KCNH1: variants seen among roughly 807,000 people sequenced by gnomAD.
The protein encoded by KCNH1 is voltage-gated delayed rectifier potassium channel KCNH1.
A neutral mutation model predicts 69.2 loss-of-function variants in KCNH1; 27 were observed. The ratio of observed to expected loss-of-function variants is 0.39; its 90% CI spans 0.29 to 0.54. KCNH1 has a LOEUF of 0.54. Among genes scored for constraint, KCNH1 ranks in the 20% least tolerant of loss-of-function variants. The pLI, the probability that KCNH1 is intolerant of heterozygous loss-of-function variation, is 0.68. For synonymous variants in KCNH1, 456 were observed against 487.7 expected (o/e 0.93, Z 0.86); for missense variants, 798 against 1,261.6 (o/e 0.63, Z 5.57).
chr1:210,723,172 G>T (rs116366374), intron 10 of KCNH1, among the ~76,000 whole-genome samples: 1 of 152,200 alleles, frequency 6.6e-6, no homozygotes, highest in Non-Finnish European at 1.5e-5. Context: ...AGTGTCTCTC[G>T]TGGTCTCTCA....
chr1:210,753,837 T>G (rs1683334270), intron 10 of KCNH1, among the ~76,000 whole-genome samples: 1 of 152,012 alleles, frequency 6.6e-6, no homozygotes, highest in Non-Finnish European at 1.5e-5. Context: ...AGTGCAAACA[T>G]ACACAAAGAA....
chr1:210,959,014 C>A (rs968856731), intron 6 of KCNH1, among the ~76,000 whole-genome samples: 2 of 152,182 alleles, frequency 1.3e-5, no homozygotes, highest in African/African-American at 4.8e-5. Flanking sequence ...GAATTTTCAG[C>A]TTTTCTGCTC....
At chr1:210,964,840 C>T (rs530324406) in intron 6 of KCNH1, among the ~76,000 whole-genome samples, 13 of 152,194 alleles carry the variant, frequency 8.5e-5, no homozygotes, top group African/African-American at 2.6e-4. Context: ...AACATCAATG[C>T]AAAAATCCTC....
In KCNH1 at chr1:210,898,687, G is replaced by GT. The variant is rs1052802987; in HGVS notation, c.1462+20952_1462+20953insA. Reference sequence around the variant, plus strand: ...GAGGGGGCAGGCGTGGCGGCGGGGGGGGGTCCTGTCAACCACCTTTTACAG... The same window carrying GT: ...GAGGGGGCAGGCGTGGCGGCGGGGGGTGGGTCCTGTCAACCACCTTTTACAG... On this transcript the variant is annotated intron_variant, in intron 7 of 10. Transcript: ENST00000271751. Among the ~76,000 whole-genome samples, 48 of 151,902 alleles carry GT rather than the reference G, an allele frequency of 3.2e-4. 1 individual carries two copies. Among genetic ancestry groups the GT allele is most frequent in the South Asian group, 2.1e-4 (1 of 4,802 alleles).
At chr1:210,969,391 T>A (rs1411693692) in intron 6 of KCNH1, among the ~76,000 whole-genome samples, 1 of 152,086 alleles carries the variant, frequency 6.6e-6, no homozygotes, top group Non-Finnish European at 1.5e-5. Flanking sequence ...CTTGAAAATT[T>A]GGTAGCACTC....
At chr1:210,830,664 T>C (rs769781320) in intron 7 of KCNH1, among the ~76,000 whole-genome samples, 4 of 152,186 alleles carry the variant, frequency 2.6e-5, no homozygotes, top group Non-Finnish European at 5.9e-5. Flanking sequence ...TGACTTCCTA[T>C]GGAGGGTATG....
At chr1:210,732,971 C>T (rs540217366) in intron 10 of KCNH1, among the ~76,000 whole-genome samples, 5 of 152,248 alleles carry the variant, frequency 3.3e-5, no homozygotes, top group South Asian at 4.2e-4. Context: ...GGTGATGGGT[C>T]GTTGAGAGCC....
intron 7 of KCNH1, among the ~76,000 whole-genome samples, chr1:210,917,233 A>AG (rs1687359387): frequency 6.2e-4 from 61 of 98,792 alleles, no homozygotes; most frequent in African/African-American, 1.5e-3. Flanking sequence ...GAGAGAGAGA[A>AG]AGAAAGAAAG....
chr1:211,043,387 C>T (rs1690037118), intron 5 of KCNH1, among the ~76,000 whole-genome samples: 1 of 151,990 alleles, frequency 6.6e-6, no homozygotes, highest in Non-Finnish European at 1.5e-5. Context: ...AAGATACAAC[C>T]ATCCTAGCCC....
intron 6 of KCNH1, among the ~76,000 whole-genome samples, chr1:210,983,766 G>A (rs907087254): frequency 2.0e-5 from 3 of 152,036 alleles, no homozygotes; most frequent in African/African-American, 7.2e-5. Flanking sequence ...CTCTTTTTTG[G>A]TTCCATATGA....
intron 7 of KCNH1, among the ~76,000 whole-genome samples, chr1:210,900,428 A>G (rs1686970305): frequency 6.6e-6 from 1 of 152,234 alleles, no homozygotes. Flanking sequence ...TTGAATCTAG[A>G]TAAGCCAAGA....
At chr1:210,854,711 C>A (rs567119596) in intron 7 of KCNH1, among the ~76,000 whole-genome samples, 2 of 152,200 alleles carry the variant, frequency 1.3e-5, no homozygotes, top group Non-Finnish European at 2.9e-5. Flanking sequence ...GAAGTCCAGA[C>A]TCCAGGTGTC....
chr1:210,871,778 C>T (rs1686253748), intron 7 of KCNH1, among the ~76,000 whole-genome samples: 1 of 150,640 alleles, frequency 6.6e-6, no homozygotes. Context: ...TGGAAATCAT[C>T]ATTCTCAGTA....
intron 9 of KCNH1, among the ~76,000 whole-genome samples, chr1:210,785,767 C>T (rs1684088013): frequency 6.6e-6 from 1 of 152,130 alleles, no homozygotes; most frequent in African/African-American, 2.4e-5. Context: ...GGAGAACAAA[C>T]TCATGTGTAG....
chr1:210,941,189 A>G (rs1408991801), intron 6 of KCNH1, among the ~76,000 whole-genome samples: 2 of 152,214 alleles, frequency 1.3e-5, no homozygotes, highest in East Asian at 1.9e-4. Context: ...TGCTAACACT[A>G]TCTACTTAAT....
At chr1:210,775,036 C>A (rs1114470) in intron 10 of KCNH1, among the ~76,000 whole-genome samples, 1 of 152,100 alleles carries the variant, frequency 6.6e-6, no homozygotes, top group African/African-American at 2.4e-5. Flanking sequence ...AGCAACCTCA[C>A]ATTTCACTCA....
At chr1:210,867,236 T>C (rs1176870231) in intron 7 of KCNH1, among the ~76,000 whole-genome samples, 2 of 151,848 alleles carry the variant, frequency 1.3e-5, no homozygotes, top group Non-Finnish European at 2.9e-5. Context: ...ACTATTGAAT[T>C]GTACATTTTA....
intron 1 of KCNH1, among the ~76,000 whole-genome samples, chr1:211,127,965 A>C (rs1691810934): frequency 6.6e-6 from 1 of 152,182 alleles, no homozygotes; most frequent in African/African-American, 2.4e-5. Flanking sequence ...TGTGTGGTAC[A>C]GTCATACTAT....
intron 6 of KCNH1, among the ~76,000 whole-genome samples, chr1:210,956,716 AT>A (rs1688184379): frequency 6.6e-6 from 1 of 152,046 alleles, no homozygotes; most frequent in South Asian, 2.1e-4. Flanking sequence ...TGTTTATAGT[AT>A]TCTCTGATGG....
Sources: gnomAD v4.1 joint callset for allele counts (sites outside exome capture counted in the v4.1 genomes callset) on GRCh38, gnomAD v4.1.1 for gene constraint, MANE v1.5 for transcripts, NCBI Gene and HGNC (gene_info 2026-07-23, HGNC 2026-07-21) for gene names.